The following FRAS1 variants were observed in gnomAD, a reference collection of about 807,000 sequenced individuals.
FRAS1 encodes the protein extracellular matrix organizing protein FRAS1.
A neutral mutation model predicts 435.2 loss-of-function variants in FRAS1; 290 were observed. The observed-to-expected ratio is 0.67, with a 90% CI of 0.61 to 0.73. The LOEUF is 0.73. Among genes scored for constraint, FRAS1 ranks in the 30% least tolerant of loss-of-function variants. The probability of loss-of-function intolerance (pLI) is 0.00; values close to 1 mark genes in which losing one functional copy is unlikely to be tolerated. For missense variants in FRAS1, 4,860 were observed against 5,001.5 expected (o/e 0.97, Z 0.85); for synonymous variants, 1,800 against 1,851.0 (o/e 0.97, Z 0.71).
intron 2 of FRAS1, among the ~76,000 whole-genome samples, chr4:78,168,903 G>T (rs984270340): frequency 6.6e-6 from 1 of 152,104 alleles, no homozygotes; most frequent in Non-Finnish European, 1.5e-5. Flanking sequence ...TTGTTGAATC[G>T]TATGAGGGTG....
At chr4:78,188,279 G>GTCTATCTA (rs998341866) in intron 2 of FRAS1, among the ~76,000 whole-genome samples, 356 of 25,622 alleles carry the variant, frequency 0.014, 1 homozygote, top group African/African-American at 0.025. Context: ...CTATCTGTCT[G>GTCTATCTA]TCTATCTATC....
chr4:78,071,780 T>C (rs947908019), intron 2 of FRAS1: 2 of 150,978 alleles, frequency 1.3e-5, no homozygotes, highest in African/African-American at 4.9e-5. Flanking sequence ...GGCTACTATA[T>C]TGGACAGTGC....
Position 78,499,921 on chromosome 4 carries a change from G to A in FRAS1, c.9316G>A (p.Gly3106Ser), listed in dbSNP as rs1331714407. ...GAGCCGAGTCTTGAAGTTCAGTCCC[G>A]GTAATTGAATGCCAACCTCAATCTG... ...PKSRVLKFSPGVDHIFFKVEI... is the reference protein window; with the variant it reads ...PKSRVLKFSPSVDHIFFKVEI... The change falls in exon 61 of 74, where the codon GGT becomes AGT. Residue 3106 changes from glycine to serine, a missense_variant and splice_region_variant. Gly to Ser is a moderately conservative substitution (Grantham distance 56). Transcript: ENST00000512123. 8 of 1,530,894 alleles carry A rather than the reference G, an allele frequency of 5.2e-6. No homozygotes were observed. Among genetic ancestry groups the A allele is most frequent in the South Asian group, 2.6e-5 (2 of 76,430 alleles). 94.8% of individuals were successfully genotyped at this position (1,530,894 alleles called of 1,614,324 possible). A position where few individuals can be genotyped will look rare whatever the true frequency, so the allele number is the denominator to read the frequency against.
intron 20 of FRAS1, among the ~76,000 whole-genome samples, chr4:78,359,279 A>G (rs1730981927): frequency 1.0e-5 from 1 of 97,042 alleles, no homozygotes; most frequent in African/African-American, 3.6e-5. Context: ...GCCCTAGGGA[A>G]CTATACTTTT....
chr4:78,495,838 G>A (rs1397288056), intron 59 of FRAS1, among the ~76,000 whole-genome samples: 2 of 151,916 alleles, frequency 1.3e-5, no homozygotes, highest in Admixed American at 1.3e-4. Context: ...GATCTAAAAA[G>A]TCACTGCTAA....
chr4:78,452,447 C>T, intron 47 of FRAS1, 93 bp downstream of exon 47: 1 of 957,922 alleles, frequency 1.0e-6, no homozygotes, highest in Non-Finnish European at 1.5e-6. Flanking sequence ...TACCTAGAAT[C>T]TGCCTTAATT....
At chr4:78,213,853 C>T (rs1372126790) in intron 2 of FRAS1, among the ~76,000 whole-genome samples, 1 of 152,230 alleles carries the variant, frequency 6.6e-6, no homozygotes, top group Non-Finnish European at 1.5e-5. Flanking sequence ...ACCTCTGTAA[C>T]TTCCCAAGAT....
chr4:78,155,186 G>C (rs534873923), intron 2 of FRAS1, among the ~76,000 whole-genome samples: 8 of 152,248 alleles, frequency 5.3e-5, no homozygotes, highest in African/African-American at 1.7e-4. Flanking sequence ...ACTTCCAGTG[G>C]GTTTTCGGTC....
At chr4:78,404,734 T>C (rs1345293862) in intron 30 of FRAS1, among the ~76,000 whole-genome samples, 2 of 152,232 alleles carry the variant, frequency 1.3e-5, no homozygotes, top group African/African-American at 4.8e-5. Context: ...TCACCTCTGT[T>C]GTCTTAGTTC....
intron 38 of FRAS1, among the ~76,000 whole-genome samples, chr4:78,433,728 T>C (rs905315003): frequency 2.0e-5 from 3 of 152,226 alleles, no homozygotes; most frequent in Admixed American, 6.5e-5. Context: ...TATGGTTTTT[T>C]GAATCTTATG....
chr4:78,472,121 G>T, intron 51 of FRAS1, 59 bp from the exon 52 acceptor site: 1 of 1,515,984 alleles, frequency 6.6e-7, no homozygotes, highest in Non-Finnish European at 9.2e-7. Flanking sequence ...TGAGTCAGAG[G>T]GTCTTGTTCC....
intron 4 of FRAS1, among the ~76,000 whole-genome samples, chr4:78,246,847 G>C (rs1260106035): frequency 1.3e-5 from 2 of 152,102 alleles, no homozygotes; most frequent in Admixed American, 1.3e-4. Context: ...GACATCATAT[G>C]CTCTCTCATG....
intron 61 of FRAS1, among the ~76,000 whole-genome samples, chr4:78,502,371 T>G (rs1394720714): frequency 6.6e-6 from 1 of 152,204 alleles, no homozygotes; most frequent in Non-Finnish European, 1.5e-5. Context: ...TTCTTCCATT[T>G]GTTTGTGTCC....
intron 6 of FRAS1, among the ~76,000 whole-genome samples, chr4:78,260,273 A>T (rs1726020851): frequency 1.3e-5 from 2 of 151,644 alleles, no homozygotes; most frequent in South Asian, 4.2e-4. Context: ...GATGGCATTG[A>T]ATCTGTAAAT....
At chr4:78,177,927 T>C (rs1721843105) in intron 2 of FRAS1, among the ~76,000 whole-genome samples, 1 of 152,186 alleles carries the variant, frequency 6.6e-6, no homozygotes, top group African/African-American at 2.4e-5. Context: ...TGGGCTGCCA[T>C]AGCAAATTTC....
intron 3 of FRAS1, 47 bp from the exon 4 acceptor site, chr4:78,245,186 G>T: frequency 7.8e-7 from 1 of 1,277,798 alleles, no homozygotes; most frequent in Non-Finnish European, 1.1e-6. Context: ...ATTGTGACTT[G>T]GTGTGTGCTG....
rs576835969 is a variant in FRAS1 at position 78,526,626 on chromosome 4, C to T, written c.10894C>T (p.Pro3632Ser). 32 of 1,593,232 alleles carry T rather than the reference C, an allele frequency of 2.0e-5. No homozygotes were observed. In the South Asian group the frequency reaches 2.6e-4, roughly 13 times the overall value. The change falls in exon 70 of 74, where the codon CCT (proline) becomes TCT (serine). Residue 3632 changes from proline (P) to serine (S), a missense_variant. Transcript: ENST00000512123. ...TQPWVDPGEK[P>S]LACTAHAPER... is the part of the protein sequence containing the mutation. ...GCCATGGGTTGACCCAGGAGAGAAG[C>T]CTTTGGCCTGCACTGCACATGCCCC...
chr4:78,082,650 C>A (rs1222564181), intron 2 of FRAS1, among the ~76,000 whole-genome samples: 1 of 151,756 alleles, frequency 6.6e-6, no homozygotes, highest in Admixed American at 6.6e-5. Context: ...TTTCACTTGT[C>A]TAGATGTAAA....
intron 2 of FRAS1, among the ~76,000 whole-genome samples, chr4:78,092,534 A>G (rs1248840566): frequency 6.6e-6 from 1 of 152,206 alleles, no homozygotes; most frequent in Non-Finnish European, 1.5e-5. Flanking sequence ...ACAGACGCGA[A>G]CAGCATGGGA....
Sources: allele counts gnomAD v4.1 joint callset (sites outside exome capture counted in the v4.1 genomes callset), GRCh38; gene constraint gnomAD v4.1.1; transcripts MANE v1.5; gene names NCBI Gene and HGNC (gene_info 2026-07-23, HGNC 2026-07-21).